The following RBFOX1 variants were observed in gnomAD, a reference collection of about 807,000 sequenced individuals.
The protein encoded by RBFOX1 is RNA binding protein fox-1 homolog 1.
In RBFOX1, 8 loss-of-function variants were observed where a neutral mutation model predicts 57.7. The observed-to-expected ratio is 0.14, with a 90% CI of 0.08 to 0.25. The LOEUF (loss-of-function observed/expected upper bound fraction) is 0.25, where lower values mean the gene tolerates loss of function less well. RBFOX1 is among the 10% of genes least tolerant of loss of function. The pLI is 1.00. For synonymous variants in RBFOX1, 326 were observed against 222.4 expected (o/e 1.47, Z -4.15); for missense variants, 611 against 548.5 (o/e 1.11, Z -1.14).
At chr16:7,055,019 G>A (rs1387822274) in intron 4 of RBFOX1, among the ~76,000 whole-genome samples, 1 of 152,072 alleles carries the variant, frequency 6.6e-6, no homozygotes, top group Non-Finnish European at 1.5e-5. Flanking sequence ...TTCTCACGAA[G>A]CCTAAATTAA....
At chr16:6,592,738 A>C (rs567583254) in intron 2 of RBFOX1, among the ~76,000 whole-genome samples, 1 of 151,714 alleles carries the variant, frequency 6.6e-6, no homozygotes, top group African/African-American at 2.4e-5. Flanking sequence ...GTAGATGTGC[A>C]CAGAGAGCTC....
chr16:5,786,963 C>T (rs2054523691), intron 3 of RBFOX1, among the ~76,000 whole-genome samples: 1 of 152,092 alleles, frequency 6.6e-6, no homozygotes. Context: ...TGGTGAAACC[C>T]CATCTCTACT....
At chr16:6,842,533 A>T (rs974598549) in intron 3 of RBFOX1, among the ~76,000 whole-genome samples, 5 of 152,032 alleles carry the variant, frequency 3.3e-5, no homozygotes, top group African/African-American at 1.2e-4. Context: ...TTTCAGCTTG[A>T]TGAATATCTG....
chr16:6,194,034 G>A (rs2097164241), intron 1 of RBFOX1, among the ~76,000 whole-genome samples: 1 of 152,128 alleles, frequency 6.6e-6, no homozygotes, highest in Non-Finnish European at 1.5e-5. Context: ...TCTCATTCCT[G>A]TATACTAACT....
chr16:5,643,588 G>A (rs915634722), intron 3 of RBFOX1, among the ~76,000 whole-genome samples: 37 of 152,164 alleles, frequency 2.4e-4, no homozygotes, highest in African/African-American at 8.2e-4. Flanking sequence ...TGTCAGAACC[G>A]CAGAGTCATA....
At chr16:5,261,323 C>A (rs950623217) in intron 1 of RBFOX1, among the ~76,000 whole-genome samples, 4 of 152,110 alleles carry the variant, frequency 2.6e-5, no homozygotes, top group Non-Finnish European at 5.9e-5. Flanking sequence ...ATTCAATTCA[C>A]AAGTTGCTTA....
rs2083885860 is a variant in RBFOX1, at chr16:7,710,742, C to T, written c.1191C>T (p.Tyr397=). The change falls in exon 16 of 16, where the codon TAC becomes TAT. Residue 397 remains tyrosine (Y), a synonymous_variant. Coordinates refer to ENST00000550418, the MANE Select transcript of RBFOX1 (RefSeq NM_018723.4). The part of the protein sequence containing the change: ...YRGGYNRFAP[Y] ...GGGGATACAACCGTTTTGCTCCATA[C>T]TAAATGACAAAACCATAAAAACCTT... is the stretch of plus-strand genomic sequence containing the variant. 3 of 1,576,788 alleles carry T rather than the reference C, an allele frequency of 1.9e-6. No homozygotes were observed. The highest frequency in any genetic ancestry group is 1.7e-6 in the Non-Finnish European group (2 of 1,166,348).
chr16:5,426,948 G>A (rs554510860), intron 1 of RBFOX1, among the ~76,000 whole-genome samples: 1 of 152,198 alleles, frequency 6.6e-6, no homozygotes, highest in Admixed American at 6.5e-5. Flanking sequence ...TAACTCCCTT[G>A]TAAGTGGTAA....
chr16:5,570,850 A>AT (rs543906996), intron 2 of RBFOX1, among the ~76,000 whole-genome samples: 12 of 151,798 alleles, frequency 7.9e-5, no homozygotes, highest in South Asian at 2.1e-4. Context: ...AAAAAAAAAA[A>AT]AAATAAAGCA....
intron 4 of RBFOX1, among the ~76,000 whole-genome samples, chr16:7,258,421 C>T (rs998253913): frequency 6.6e-6 from 1 of 152,116 alleles, no homozygotes; most frequent in Non-Finnish European, 1.5e-5. Flanking sequence ...TTCTGTTTCA[C>T]TGTGTGCATT....
At chr16:5,260,377 T>A (rs1348352287) in intron 1 of RBFOX1, among the ~76,000 whole-genome samples, 3 of 152,106 alleles carry the variant, frequency 2.0e-5, no homozygotes, top group Non-Finnish European at 2.9e-5. Context: ...CAAAGATGGC[T>A]AGAGACATGA....
intron 2 of RBFOX1, among the ~76,000 whole-genome samples, chr16:5,525,489 C>CTTTT (rs1216671998): frequency 2.0e-5 from 2 of 99,440 alleles, no homozygotes; most frequent in Admixed American, 1.2e-4. Flanking sequence ...AGAGCCGACA[C>CTTTT]TATTTTTTTT....
intron 3 of RBFOX1, among the ~76,000 whole-genome samples, chr16:6,966,936 CATTG>C (rs1399120702): frequency 3.4e-4 from 47 of 137,514 alleles, no homozygotes; most frequent in African/African-American, 1.3e-3. Flanking sequence ...TCCATCCATC[CATTG>C]GCCTACCTAT....
chr16:7,390,391 T>C (rs1269310300), intron 4 of RBFOX1, among the ~76,000 whole-genome samples: 1 of 152,206 alleles, frequency 6.6e-6, no homozygotes, highest in East Asian at 1.9e-4. Flanking sequence ...TGTTCTTAAC[T>C]ATGAGATTTC....
intron 3 of RBFOX1, among the ~76,000 whole-genome samples, chr16:6,691,793 T>C (rs2060247412): frequency 6.6e-6 from 1 of 152,184 alleles, no homozygotes; most frequent in African/African-American, 2.4e-5. Context: ...AAATTAATTA[T>C]CCAGATAGGC....
At chr16:6,359,098 G>GTTTGTTTT (rs1197045868) in intron 2 of RBFOX1, among the ~76,000 whole-genome samples, 1 of 151,978 alleles carries the variant, frequency 6.6e-6, no homozygotes, top group East Asian at 1.9e-4. Flanking sequence ...TTGTTTGTTT[G>GTTTGTTTT]TTTGTTTGTT....
rs367842686 is a variant in RBFOX1 at position 6,735,225 on chromosome 16, A to G, written c.-16+80575A>G. ...ACTGGTGGCTTATTGCTAGATGCAC[A>G]TGATTTAATAGAAAGGGTATGGTTT... On this transcript the variant is annotated intron_variant, in intron 3 of 15. Transcript: ENST00000550418. 2.0e-5 allele frequency among the ~76,000 whole-genome samples: 3 copies of G among 152,310 alleles called. No homozygotes were observed. The East Asian group carries it at 5.8e-4, about 29-fold the overall frequency.
chr16:5,553,876 T>A (rs28450283), intron 2 of RBFOX1, among the ~76,000 whole-genome samples: 47,240 of 151,906 alleles, frequency 0.31, 8,379 homozygotes, highest in East Asian at 0.73. Flanking sequence ...ATTGCATATG[T>A]CTGGGTACCC....
At chr16:6,941,566 G>C (rs2078521355) in intron 3 of RBFOX1, among the ~76,000 whole-genome samples, 2 of 151,848 alleles carry the variant, frequency 1.3e-5, no homozygotes, top group South Asian at 4.2e-4. Flanking sequence ...CAAGAGACTT[G>C]AAATTCCAAC....
Sources: allele counts gnomAD v4.1 joint callset (sites outside exome capture counted in the v4.1 genomes callset), GRCh38; gene constraint gnomAD v4.1.1; transcripts MANE v1.5; gene names NCBI Gene and HGNC (gene_info 2026-07-23, HGNC 2026-07-21).